The following GON4L variants were observed in gnomAD, a reference collection of about 807,000 sequenced individuals.
GON4L encodes the protein gon-4 like.
A neutral mutation model predicts 211.8 loss-of-function variants in GON4L; 87 were observed. The observed-to-expected ratio is 0.41, with a 90% CI of 0.35 to 0.49. The LOEUF (loss-of-function observed/expected upper bound fraction) is 0.49. Ranked by LOEUF, GON4L falls within the 20% of genes least tolerant of loss-of-function variation. The pLI is 0.15. For missense variants in GON4L, 2,155 were observed against 2,659.5 expected (o/e 0.81, Z 4.17); for synonymous variants, 875 against 962.6 (o/e 0.91, Z 1.68).
intron 12 of GON4L, among the ~76,000 whole-genome samples, chr1:155,785,720 A>AGT (rs1352623288): frequency 6.6e-6 from 1 of 152,148 alleles, no homozygotes; most frequent in Non-Finnish European, 1.5e-5. Flanking sequence ...AGCTCAAGTG[A>AGT]TCAGCCCAAC....
upstream of GON4L, chr1:155,857,385 T>G (rs572433198): frequency 3.3e-5 from 5 of 152,278 alleles, no homozygotes; most frequent in Non-Finnish European, 7.3e-5. Context: ...TCTCTGCCCA[T>G]GGAGTTATCC....
At chr1:155,754,098 CAG>C (rs1294125922) in intron 28 of GON4L, 2 of 460,182 alleles carry the variant, frequency 4.3e-6, no homozygotes, top group African/African-American at 2.0e-5. Context: ...ATTTTCACGA[CAG>C]AGGTTTATTT....
At chr1:155,789,998 G>A (rs892679223) in intron 12 of GON4L, among the ~76,000 whole-genome samples, 14 of 151,950 alleles carry the variant, frequency 9.2e-5, no homozygotes, top group African/African-American at 3.4e-4. Flanking sequence ...AGTGGTAGTG[G>A]TATGATCACA....
chr1:155,770,625 G>A (rs1663096564), intron 19 of GON4L, among the ~76,000 whole-genome samples: 1 of 152,196 alleles, frequency 6.6e-6, no homozygotes, highest in African/African-American at 2.4e-5. Flanking sequence ...AAGGCGGGTG[G>A]ATCACTTGAG....
chr1:155,803,477 T>C (rs1308242816), intron 11 of GON4L, among the ~76,000 whole-genome samples: 1 of 152,112 alleles, frequency 6.6e-6, no homozygotes, highest in Non-Finnish European at 1.5e-5. Context: ...TCTCTTGACC[T>C]TGTGATCCGC....
intron 11 of GON4L, among the ~76,000 whole-genome samples, chr1:155,804,212 A>G (rs1209981676): frequency 6.6e-6 from 1 of 151,594 alleles, no homozygotes; most frequent in Non-Finnish European, 1.5e-5. Flanking sequence ...CTCTACAGAA[A>G]TTTTTAAAAA....
chr1:155,748,536 G>A (rs2101578904), downstream of GON4L: 2 of 1,613,926 alleles, frequency 1.2e-6, no homozygotes, highest in Middle Eastern at 1.7e-4. Flanking sequence ...AAAAAGGTAT[G>A]AAGCTTTGTG....
chr1:155,826,955 G>C lies in GON4L; in HGVS notation c.579C>G (p.Ser193Arg), dbSNP rs200223409. ...PSGSQSAKPVSQPRKSTQPDV... is the reference protein window; with the variant it reads ...PSGSQSAKPVRQPRKSTQPDV... ...CTGGCTGGGTTGATTTCCTGGGCTG[G>C]CTTACTGGTTTTGCAGATTGGCTGC... Residue 193 changes from serine (S) to arginine (R), a missense_variant, in exon 3 of 32, where the codon AGC becomes AGG. Ser to Arg is a moderately radical substitution (Grantham distance 110, BLOSUM62 -1). Around this residue, in one of 6 missense-constraint regions of GON4L, gnomAD observed 313 missense variants for 293.2 expected, o/e 1.07. Transcript: ENST00000368331. The C allele has an allele frequency of 1.2e-5, 19 of 1,613,830 alleles. No individual in the cohort carries two copies. Among genetic ancestry groups the C allele is most frequent in the Admixed American group, 6.7e-5 (4 of 60,006 alleles).
intron 2 of GON4L, among the ~76,000 whole-genome samples, chr1:155,852,636 G>A (rs1487349946): frequency 2.6e-5 from 4 of 152,074 alleles, no homozygotes; most frequent in Non-Finnish European, 5.9e-5. Context: ...CCAGCTACTC[G>A]GGAGGCTGAG....
intron 11 of GON4L, among the ~76,000 whole-genome samples, 178 bp from the exon 12 acceptor site, chr1:155,795,329 T>C (rs541016185): frequency 6.6e-6 from 1 of 151,690 alleles, no homozygotes; most frequent in East Asian, 2.0e-4. Flanking sequence ...CGGGCTCAAG[T>C]GATCCTCCCA....
chr1:155,855,757 C>T (rs545647149), intron 1 of GON4L, among the ~76,000 whole-genome samples: 6 of 152,082 alleles, frequency 3.9e-5, no homozygotes, highest in African/African-American at 1.2e-4. Flanking sequence ...CCAAGGCGGG[C>T]GGATAACAAG....
rs371028870 is a variant in GON4L, at chr1:155,813,819, T to C, written c.1282-15A>G. 4.3e-6 allele frequency: 7 copies of C among 1,610,270 alleles called. No individual in the cohort carries two copies. The highest frequency in any genetic ancestry group is 5.1e-6 in the Non-Finnish European group (6 of 1,177,536). ...ACTTTCTCAGCCTGATTAAAAGAGG[T>C]GACTGCATCAAAAAAGGAAGGAGGT... On this transcript the variant is annotated splice_polypyrimidine_tract_variant and intron_variant, in intron 9 of 31. Coordinates refer to ENST00000368331, the MANE Select transcript of GON4L (RefSeq NM_001282860.2).
intron 3 of GON4L, among the ~76,000 whole-genome samples, chr1:155,825,257 A>G (rs193271919): frequency 4.6e-5 from 7 of 152,300 alleles, no homozygotes; most frequent in Admixed American, 1.3e-4. Flanking sequence ...AAGTACATCC[A>G]AGAATATGGA....
chr1:155,818,127 C>CT lies in GON4L; in HGVS notation c.1015-1866dup, dbSNP rs1210049172. On this transcript the variant is annotated intron_variant, in intron 6 of 31. Transcript: ENST00000368331. The stretch of plus-strand genomic sequence containing the variant: ...ATAAAGAATTAATGTTAATTATATT[C>CT]TTTTTTTTTTTTAAGACAGAGTCTT... 1.3e-3 allele frequency among the ~76,000 whole-genome samples: 182 copies of CT among 144,780 alleles called. No homozygotes were observed. In the South Asian group the frequency reaches 0.015, roughly 12 times the overall value. The allele number at this position is 144,780 out of a possible 152,430, so 95.0% of individuals were successfully genotyped here.
chr1:155,847,013 A>C (rs1671311160), intron 2 of GON4L, among the ~76,000 whole-genome samples: 2 of 152,210 alleles, frequency 1.3e-5, no homozygotes, highest in South Asian at 4.1e-4. Flanking sequence ...AAACAAAAAA[A>C]CAAAAAAAAC....
rs1430141468 is a variant in GON4L at position 155,853,771 on chromosome 1, A to G, written c.10T>C (p.Cys4Arg). 2 of 1,613,504 alleles carry G rather than the reference A, an allele frequency of 1.2e-6. No individual in the cohort carries two copies. Among genetic ancestry groups the G allele is most frequent in the Admixed American group, 3.3e-5 (2 of 60,020 alleles). Reference sequence around the variant, plus strand: ...GTCACTGTAGTTCTTCTCTTCTTACAGGGCAACATTTTAAAAGTCCCACTT... The same window carrying G: ...GTCACTGTAGTTCTTCTCTTCTTACGGGGCAACATTTTAAAAGTCCCACTT... The part of the protein sequence containing the change: MLP[C>R]KKRRTTVTES... Residue 4 changes from cysteine (C) to arginine (R), a missense_variant, in exon 2 of 32, where the codon TGT becomes CGT. Cys to Arg is a radical substitution (Grantham distance 180, BLOSUM62 -3). This residue lies in a region of GON4L where 313 missense variants were observed against 293.2 expected (regional missense o/e 1.07). Coordinates refer to ENST00000368331, the MANE Select transcript of GON4L (RefSeq NM_001282860.2).
chr1:155,752,287 G>A lies in GON4L; in HGVS notation c.6146C>T (p.Ala2049Val). Residue 2049 changes from alanine to valine, a missense_variant, in exon 30 of 32, where the codon GCT becomes GTT. Physicochemically the swap from Ala to Val is moderately conservative, Grantham distance 64 (BLOSUM62 0). Coordinates refer to ENST00000368331, the MANE Select transcript of GON4L (RefSeq NM_001282860.2). Reference sequence around the variant, plus strand: ...TGAGGAAACAGGACTCAGGAAGGAAGCAGGGGGTTCCACGGTACCAGGCAA... The same window carrying A: ...TGAGGAAACAGGACTCAGGAAGGAAACAGGGGGTTCCACGGTACCAGGCAA... ...EKLPGTVEPP[A>V]SFLSPVSSKT... 6.3e-7 allele frequency: 1 copy of A among 1,585,392 alleles called. No homozygotes were observed.
At position 155,795,102 on chromosome 1, in the gene GON4L, G is replaced by A. The variant is rs376934806; in HGVS notation, c.1695C>T (p.Leu565=). 6.8e-6 allele frequency: 11 copies of A among 1,611,056 alleles called. No homozygotes were observed. The highest frequency in any genetic ancestry group is 6.7e-5 in the African/African-American group (5 of 74,838). ...DDPEYNFLED[L]DEPDTEDFRT... ...GGAAATCCTCTGTGTCTGGTTCATC[G>A]AGGTCTTCCAGGAAATTATATTCTG... Residue 565 remains leucine, a synonymous_variant, in exon 12 of 32, where the codon CTC becomes CTT. Transcript: ENST00000368331.
intron 12 of GON4L, among the ~76,000 whole-genome samples, chr1:155,792,415 C>T (rs1458490854): frequency 6.6e-6 from 1 of 152,146 alleles, no homozygotes; most frequent in Non-Finnish European, 1.5e-5. Context: ...TTCATTTACC[C>T]ATCTCTATTC....
Sources: gnomAD v4.1 joint callset for allele counts (sites outside exome capture counted in the v4.1 genomes callset) on GRCh38, gnomAD v4.1.1 for gene constraint, gnomAD v4.1.1 regional missense constraint, MANE v1.5 for transcripts, NCBI Gene and HGNC (gene_info 2026-07-23, HGNC 2026-07-21) for gene names.